Variants in RAPGEF5 observed in about 807,000 individuals in gnomAD.
RAPGEF5 encodes M-Ras-regulated GEF.
In RAPGEF5, 65 loss-of-function variants were observed where a neutral mutation model predicts 125.2. The ratio of observed to expected loss-of-function variants is 0.52; its 90% CI spans 0.43 to 0.64. RAPGEF5 has a LOEUF of 0.64. Among genes scored for constraint, RAPGEF5 ranks in the 30% least tolerant of loss-of-function variants. RAPGEF5 has a pLI of 0.00. For missense variants in RAPGEF5, 958 were observed against 1,048.1 expected (o/e 0.91, Z 1.19); for synonymous variants, 391 against 385.9 (o/e 1.01, Z -0.16).
intron 11 of RAPGEF5, among the ~76,000 whole-genome samples, chr7:22,175,869 A>G (rs1476511428): frequency 6.6e-6 from 1 of 152,238 alleles, no homozygotes; most frequent in Non-Finnish European, 1.5e-5. Context: ...AAGGTTCTGT[A>G]TTATGAACTT....
chr7:22,136,952 G>T lies in RAPGEF5; in HGVS notation c.2309C>A (p.Ser770Tyr). Residue 770 changes from serine to tyrosine, a missense_variant, in exon 22 of 26, where the codon TCT becomes TAT. Transcript: ENST00000665637. ...KIPGKFKKLF[S>Y]ELESLTDPSL... ...ACTTACTGTTAAACTTTCAAGTTCA[G>T]AGAAAAGTTTCTTAAACTTCCCAGG... is the stretch of plus-strand genomic sequence containing the variant. 6.3e-7 allele frequency: 1 copy of T among 1,587,258 alleles called. No homozygotes were observed. Among genetic ancestry groups the T allele is most frequent in the South Asian group, 1.1e-5 (1 of 87,754 alleles).
rs772465775 is a variant in RAPGEF5, at chr7:22,209,071, AGAT to A, written c.996+10792_996+10794del. On this transcript the variant is annotated intron_variant, in intron 9 of 25. Coordinates refer to ENST00000665637, the MANE Select transcript of RAPGEF5 (RefSeq NM_012294.5). ...GAGTAATACTAAAGGAGAGGAACTT[AGAT>A]TTACTGACTTGGGATGGAAATGGGA... Among the ~76,000 whole-genome samples, 71 of 152,200 alleles carry A rather than the reference AGAT, an allele frequency of 4.7e-4. 1 individual carries two copies. The highest frequency in any genetic ancestry group is 4.1e-4 in the South Asian group (2 of 4,828).
intron 13 of RAPGEF5, among the ~76,000 whole-genome samples, chr7:22,161,815 G>T (rs540034535): frequency 6.6e-6 from 1 of 152,192 alleles, no homozygotes; most frequent in South Asian, 2.1e-4. Flanking sequence ...TTCCTTCTCT[G>T]TCCTAACCTG....
At chr7:22,125,353 T>C in intron 25 of RAPGEF5, 1 of 391,682 alleles carries the variant, frequency 2.6e-6, no homozygotes. Flanking sequence ...TCTGAGTGTG[T>C]AAAGTCACTC....
At chr7:22,312,178 G>C (rs772996163) in intron 3 of RAPGEF5, among the ~76,000 whole-genome samples, 4 of 151,940 alleles carry the variant, frequency 2.6e-5, no homozygotes, top group African/African-American at 9.7e-5. Flanking sequence ...ATTCTGATGC[G>C]GTAAGACTGG....
At chr7:22,217,198 TAAAA>T (rs1785658577) in intron 9 of RAPGEF5, among the ~76,000 whole-genome samples, 2 of 152,190 alleles carry the variant, frequency 1.3e-5, no homozygotes, top group South Asian at 4.1e-4. Flanking sequence ...TTTAAAATCA[TAAAA>T]GAAAGGAAAT....
chr7:22,270,996 C>T (rs1262204250), intron 6 of RAPGEF5, among the ~76,000 whole-genome samples: 1 of 152,122 alleles, frequency 6.6e-6, no homozygotes, highest in African/African-American at 2.4e-5. Flanking sequence ...GGACTGTAAA[C>T]CTCTACTAGT....
intron 7 of RAPGEF5, among the ~76,000 whole-genome samples, chr7:22,263,061 T>C (rs1782194161): frequency 6.6e-6 from 1 of 152,210 alleles, no homozygotes; most frequent in Non-Finnish European, 1.5e-5. Flanking sequence ...AAAGAGCCCA[T>C]TTCAATAGGT....
chr7:22,228,668 C>A (rs1833109), intron 8 of RAPGEF5, among the ~76,000 whole-genome samples: 73,928 of 148,044 alleles, frequency 0.5, 18,596 homozygotes, highest in East Asian at 0.68. Flanking sequence ...CTACCACGCC[C>A]AGCTAATTTT....
chr7:22,285,111 G>A (rs536519226), intron 6 of RAPGEF5, among the ~76,000 whole-genome samples: 66 of 152,288 alleles, frequency 4.3e-4, no homozygotes, highest in African/African-American at 1.5e-3. Flanking sequence ...AGTACCAGTC[G>A]TTTATCCTAG....
intron 1 of RAPGEF5, among the ~76,000 whole-genome samples, chr7:22,325,145 T>G (rs1052262533): frequency 1.3e-5 from 2 of 152,158 alleles, no homozygotes; most frequent in African/African-American, 4.8e-5. Context: ...GAGCCTCCCA[T>G]GATTAATCTC....
chr7:22,202,969 T>C (rs910889138), intron 9 of RAPGEF5: 9 of 288,452 alleles, frequency 3.1e-5, no homozygotes, highest in African/African-American at 1.8e-4. Context: ...CATCCAAGTA[T>C]ACTAACACTG....
chr7:22,197,350 G>A (rs1396986731), intron 9 of RAPGEF5, among the ~76,000 whole-genome samples: 1 of 152,142 alleles, frequency 6.6e-6, no homozygotes, highest in Non-Finnish European at 1.5e-5. Context: ...GATGGCAAAC[G>A]TTGAAAATCA....
chr7:22,286,604 T>C (rs1168306901), intron 6 of RAPGEF5, among the ~76,000 whole-genome samples: 2 of 152,234 alleles, frequency 1.3e-5, no homozygotes, highest in Admixed American at 1.3e-4. Context: ...TTCTATTTCC[T>C]GTCTTTGGAT....
chr7:22,164,725 A>G (rs1784108623), intron 12 of RAPGEF5, among the ~76,000 whole-genome samples: 1 of 152,204 alleles, frequency 6.6e-6, no homozygotes, highest in South Asian at 2.1e-4. Context: ...TGATTTATAA[A>G]TTTAGCTGCT....
chr7:22,315,666 C>T (rs1562525205), intron 2 of RAPGEF5, among the ~76,000 whole-genome samples, 190 bp from the exon 3 acceptor site: 1 of 151,270 alleles, frequency 6.6e-6, no homozygotes, highest in African/African-American at 2.4e-5. Context: ...AACTATCTTA[C>T]TTTATTTTAG....
intron 6 of RAPGEF5, among the ~76,000 whole-genome samples, chr7:22,283,785 T>G (rs1262913819): frequency 1.3e-5 from 2 of 152,144 alleles, no homozygotes; most frequent in African/African-American, 4.8e-5. Context: ...CATACATGTA[T>G]GCAAACATGC....
At chr7:22,170,276 A>C (rs1434080511) in intron 11 of RAPGEF5, among the ~76,000 whole-genome samples, 1 of 152,158 alleles carries the variant, frequency 6.6e-6, no homozygotes, top group African/African-American at 2.4e-5. Context: ...GCTGGTCTCA[A>C]ACTCTTGGCC....
chr7:22,250,890 G>A (rs961567985), intron 7 of RAPGEF5, among the ~76,000 whole-genome samples: 1 of 152,214 alleles, frequency 6.6e-6, no homozygotes, highest in East Asian at 1.9e-4. Context: ...TTTTATAAAA[G>A]AATGGAAACT....
Sources: allele counts gnomAD v4.1 joint callset (sites outside exome capture counted in the v4.1 genomes callset), GRCh38; gene constraint gnomAD v4.1.1; transcripts MANE v1.5; gene names NCBI Gene and HGNC (gene_info 2026-07-23, HGNC 2026-07-21).